MUC5B: variants seen among roughly 807,000 people sequenced by gnomAD.
MUC5B encodes mucin-5B.
Under a neutral mutation model 376.9 loss-of-function variants are expected in MUC5B, and 116 were observed. That is an observed-to-expected ratio of 0.31 (90% CI 0.26 to 0.36). The LOEUF (loss-of-function observed/expected upper bound fraction) is 0.36. Among genes scored for constraint, MUC5B ranks in the 10% least tolerant of loss-of-function variants. The pLI, the probability that MUC5B is intolerant of heterozygous loss-of-function variation, is 1.00. For missense variants in MUC5B, 7,165 were observed against 7,769.9 expected, an observed-to-expected ratio of 0.92 and a Z score of 2.93; for synonymous variants, 3,517 against 3,390.9, an observed-to-expected ratio of 1.04 and a Z score of -1.29.
chr11:1,258,303 C>T lies in MUC5B; in HGVS notation c.16556-27C>T, dbSNP rs55914033. 721 of 1,610,542 alleles carry T rather than the reference C, an allele frequency of 4.5e-4. 4 individuals carry two copies. The African/African-American group carries it at 8.1e-3, about 18-fold the overall frequency. On this transcript the variant is annotated intron_variant, in intron 42 of 48. Coordinates refer to ENST00000529681, the MANE Select transcript of MUC5B (RefSeq NM_002458.3). This position sits in a 1 kb window ranked among gnomAD's most constrained non-coding sequence, Gnocchi z 5.5. ...GGAGCACATGCTCCCCACCACTTGT[C>T]GAGGGCTTAGCTCCCTTTCCTTCCA...
chr11:1,242,462 A>C lies in MUC5B; in HGVS notation c.5582A>C (p.Asp1861Ala). The C allele has an allele frequency of 6.2e-7, 1 of 1,613,730 alleles. No individual in the cohort carries two copies. Among genetic ancestry groups the C allele is most frequent in the Non-Finnish European group, 8.5e-7 (1 of 1,179,792 alleles). Residue 1861 changes from aspartate to alanine, a missense_variant, in exon 31 of 49, where the codon GAC becomes GCC. By Grantham distance (126) the Asp-to-Ala change is moderately radical (BLOSUM62 -2). Around this residue, in one of 31 missense-constraint regions of MUC5B, gnomAD observed 897 missense variants for 779.6 expected, o/e 1.15. Transcript: ENST00000529681. ...ACGGGGCTGACCTGCAAGAACGAAG[A>C]CCAGACAGGCAGGTTCAACATGTGC... ...LETGLTCKNEDQTGRFNMCFN... is the reference protein window; with the variant it reads ...LETGLTCKNEAQTGRFNMCFN...
intron 2 of MUC5B, 101 bp from the exon 3 acceptor site, chr11:1,226,104 C>T (rs1861873370): frequency 2.4e-6 from 3 of 1,236,880 alleles, no homozygotes; most frequent in Non-Finnish European, 2.2e-6. Flanking sequence ...TTTGGGCTCC[C>T]CTTCAACTCT....
At chr11:1,236,063 C>A (rs544514235) in intron 23 of MUC5B, among the ~76,000 whole-genome samples, 1 of 152,134 alleles carries the variant, frequency 6.6e-6, no homozygotes, top group Non-Finnish European at 1.5e-5. Context: ...AGGACCGCAG[C>A]GGGTCAGGGG....
At chr11:1,232,313 C>T in intron 15 of MUC5B, 137 bp from the exon 16 acceptor site, 1 of 1,344,096 alleles carries the variant, frequency 7.4e-7, no homozygotes. Context: ...GCCAGGCGGC[C>T]AGAACCCCCC....
chr11:1,233,037 A>G lies in MUC5B; in HGVS notation c.2090A>G (p.Lys697Arg), dbSNP rs1400690609. The G allele has an allele frequency of 6.3e-7, 1 of 1,599,932 alleles. No individual in the cohort carries two copies. The highest frequency in any genetic ancestry group is 1.1e-5 in the South Asian group (1 of 89,702). Reference protein sequence around the residue: ...VCTKYMQNCPKSQRYAYVVDA... With the variant: ...VCTKYMQNCPRSQRYAYVVDA... Reference sequence around the variant, plus strand: ...GCCAAGTACATGCAGAACTGCCCCAAGTCCCAGCGCTACGCCTACGTGGTG... The same window carrying G: ...GCCAAGTACATGCAGAACTGCCCCAGGTCCCAGCGCTACGCCTACGTGGTG... Residue 697 changes from lysine to arginine, a missense_variant, in exon 18 of 49, where the codon AAG becomes AGG. Lys to Arg is a conservative substitution (Grantham distance 26). This residue lies in a region of MUC5B where 530 missense variants were observed against 604.0 expected (regional missense o/e 0.88). Transcript: ENST00000529681.
At position 1,227,014 on chromosome 11, in the gene MUC5B, C is replaced by A. The variant is rs751054361; in HGVS notation, c.462-17C>A. 6.3e-7 allele frequency: 1 copy of A among 1,598,476 alleles called. No homozygotes were observed. Among genetic ancestry groups the A allele is most frequent in the East Asian group, 2.2e-5 (1 of 44,458 alleles). On this transcript the variant is annotated splice_polypyrimidine_tract_variant and intron_variant, in intron 4 of 48. Coordinates refer to ENST00000529681, the MANE Select transcript of MUC5B (RefSeq NM_002458.3). ...CAGGAGAGCGGGGCCCAGGGAGAGA[C>A]CCCGCTGTCTGCGCAGGGAGGAGCT...
chr11:1,234,344 G>A lies in MUC5B; in HGVS notation c.2478+39G>A, dbSNP rs1050271152. Reference sequence around the variant, plus strand: ...TTCAGGGAGGGGTGGGCAGGGAAGGGGTCCCAGCTTTCCCAGCTCCCGAGC... The same window carrying A: ...TTCAGGGAGGGGTGGGCAGGGAAGGAGTCCCAGCTTTCCCAGCTCCCGAGC... On this transcript the variant is annotated intron_variant, in intron 20 of 48. Coordinates refer to ENST00000529681, the MANE Select transcript of MUC5B (RefSeq NM_002458.3). This position sits in a 1 kb window ranked among gnomAD's most constrained non-coding sequence, Gnocchi z 6.3. The A allele has an allele frequency of 2.0e-6, 3 of 1,538,326 alleles. No individual in the cohort carries two copies. Among genetic ancestry groups the A allele is most frequent in the Non-Finnish European group, 2.7e-6 (3 of 1,128,858 alleles).
rs1488487359 is a variant in MUC5B at position 1,243,675 on chromosome 11, C to A, written c.6795C>A (p.Pro2265=). 2 of 1,611,424 alleles carry A rather than the reference C, an allele frequency of 1.2e-6. No individual in the cohort carries two copies. Among genetic ancestry groups the A allele is most frequent in the Admixed American group, 1.7e-5 (1 of 59,968 alleles). The part of the protein sequence containing the change: ...PHPSSRTTES[P]PSPGTTTPGH... ...CTAGCAGCAGAACCACCGAGTCACCCCCTTCTCCAGGGACGACCACCCCGG... is the reference window on the plus strand; with the variant it reads ...CTAGCAGCAGAACCACCGAGTCACCACCTTCTCCAGGGACGACCACCCCGG... Residue 2265 remains proline (P), a synonymous_variant, in exon 31 of 49, where the codon CCC becomes CCA. Transcript: ENST00000529681.
Position 1,257,778 on chromosome 11 carries a change from G to T in MUC5B, c.16450+68G>T, listed in dbSNP as rs55678390. On this transcript the variant is annotated intron_variant, in intron 41 of 48. Coordinates refer to ENST00000529681, the MANE Select transcript of MUC5B (RefSeq NM_002458.3). This position sits in a 1 kb window ranked among gnomAD's most constrained non-coding sequence, Gnocchi z 8.9. ...GGGACAGAGCCGGTGCCCACCAGGG[G>T]CCTGTGGGTTGGGCACAGGAGAGCA... The T allele has an allele frequency of 5.4e-6, 8 of 1,480,932 alleles. No individual in the cohort carries two copies. The African/African-American group carries it at 1.1e-4, about 21-fold the overall frequency. 91.7% of individuals were successfully genotyped at this position (1,480,932 alleles called of 1,614,324 possible). A position where few individuals can be genotyped will look rare whatever the true frequency, so the allele number is the denominator to read the frequency against.
rs1862614012 is a variant in MUC5B at position 1,249,723 on chromosome 11, G to T, written c.12843G>T (p.Val4281=). The change falls in exon 31 of 49, where the codon GTG becomes GTT. Residue 4281 remains valine, a synonymous_variant. Transcript: ENST00000529681. ...CGGGAACAGCTCCCCCTCCCAAAGT[G>T]CTGACCAGCCCGGCCACCACACCCA... is the stretch of plus-strand genomic sequence containing the variant. ...STPGTAPPPK[V]LTSPATTPTA... 6.2e-7 allele frequency: 1 copy of T among 1,610,060 alleles called. No individual in the cohort carries two copies. Among genetic ancestry groups the T allele is most frequent in the Non-Finnish European group, 8.5e-7 (1 of 1,177,946 alleles).
rs1308083293 is a variant in MUC5B at position 1,261,789 on chromosome 11, G to A, written c.*181G>A. The A allele has an allele frequency of 6.9e-6, 5 of 725,188 alleles. No homozygotes were observed. The highest frequency in any genetic ancestry group is 6.0e-5 in the South Asian group (4 of 67,000). The allele number at this position is 725,188 out of a possible 1,614,324, so 44.9% of individuals were successfully genotyped here. ...GCCCCAGAAGGGTGAGGGGCCAGCA[G>A]GACCCCTTTCGGGAGGGCGCCACTC... On this transcript the variant is annotated 3_prime_UTR_variant, in exon 49 of 49. Transcript: ENST00000529681.
At position 1,234,217 on chromosome 11, in the gene MUC5B, C is replaced by T; in HGVS notation, c.2390C>T (p.Pro797Leu). ...SLQKSTGCAA[P>L]MVYLDCSNSS... Reference sequence around the variant, plus strand: ...GCTCTGTCCCCAGGGTGTGCAGCCCCCATGGTGTACCTGGACTGCAGCAAC... The same window carrying T: ...GCTCTGTCCCCAGGGTGTGCAGCCCTCATGGTGTACCTGGACTGCAGCAAC... Residue 797 changes from proline to leucine, a missense_variant, in exon 20 of 49, where the codon CCC becomes CTC. Physicochemically the swap from Pro to Leu is moderately conservative, Grantham distance 98 (BLOSUM62 -3). This residue lies in a region of MUC5B where 530 missense variants were observed against 604.0 expected (regional missense o/e 0.88). Transcript: ENST00000529681. This position sits in a 1 kb window ranked among gnomAD's most constrained non-coding sequence, Gnocchi z 6.3. The T allele has an allele frequency of 6.2e-7, 1 of 1,603,842 alleles. No individual in the cohort carries two copies. Among genetic ancestry groups the T allele is most frequent in the African/African-American group, 1.3e-5 (1 of 74,874 alleles).
At chr11:1,230,468 A>G in intron 11 of MUC5B, 22 bp from the exon 12 acceptor site, 1 of 1,572,104 alleles carries the variant, frequency 6.4e-7, no homozygotes, top group Non-Finnish European at 8.7e-7. Flanking sequence ...GGCCCAATGC[A>G]CGCGTGGGTC....
intron 38 of MUC5B, 74 bp from the exon 39 acceptor site, chr11:1,256,597 C>T (rs1355699515): frequency 2.6e-6 from 3 of 1,136,392 alleles, no homozygotes; most frequent in South Asian, 2.9e-5. Context: ...ACTGCCCATC[C>T]TGGGGACTCA....
chr11:1,240,843 C>A lies in MUC5B; in HGVS notation c.3971-8C>A. 1 of 1,601,156 alleles carries A rather than the reference C, an allele frequency of 6.2e-7. No individual in the cohort carries two copies. The highest frequency in any genetic ancestry group is 8.5e-7 in the Non-Finnish European group (1 of 1,174,262). On this transcript the variant is annotated splice_region_variant and splice_polypyrimidine_tract_variant and intron_variant, in intron 30 of 48. Coordinates refer to ENST00000529681, the MANE Select transcript of MUC5B (RefSeq NM_002458.3). The stretch of plus-strand genomic sequence containing the variant: ...TGAGCCAGGACCCCTTTCCCATGCC[C>A]CTTGCAGGCCCGGCCCTCCCGGTCT...
chr11:1,234,411 G>A lies in MUC5B; in HGVS notation c.2478+106G>A. On this transcript the variant is annotated intron_variant, in intron 20 of 48. Coordinates refer to ENST00000529681, the MANE Select transcript of MUC5B (RefSeq NM_002458.3). The surrounding 1 kb of genome is among the most constrained non-coding windows in gnomAD (Gnocchi z 6.3). ...CCTGGAGACACTTACCCACCTGGAA[G>A]CTCCGCCCTGGCCCATGCGTTGCCC... is the stretch of plus-strand genomic sequence containing the variant. 6.7e-7 allele frequency: 1 copy of A among 1,498,278 alleles called. No homozygotes were observed. The highest frequency in any genetic ancestry group is 9.0e-7 in the Non-Finnish European group (1 of 1,107,510). The allele number at this position is 1,498,278 out of a possible 1,614,324, so 92.8% of individuals were successfully genotyped here.
rs750159492 is a variant in MUC5B at position 1,245,345 on chromosome 11, C to A, written c.8465C>A (p.Pro2822His). The A allele has an allele frequency of 1.1e-5, 17 of 1,595,434 alleles. No homozygotes were observed. The highest frequency in any genetic ancestry group is 1.5e-5 in the Non-Finnish European group (17 of 1,171,142). Residue 2822 changes from proline to histidine, a missense_variant, in exon 31 of 49, where the codon CCC (proline) becomes CAC (histidine). Pro to His is a moderately conservative substitution (Grantham distance 77). Around this residue, in one of 31 missense-constraint regions of MUC5B, gnomAD observed 50 missense variants for 66.4 expected, o/e 0.75. Transcript: ENST00000529681. ...PHPSSRTTESPPSPGTTTPGH... is the reference protein window; with the variant it reads ...PHPSSRTTESHPSPGTTTPGH... The stretch of plus-strand genomic sequence containing the variant: ...CCTAGCAGCAGGACCACCGAGTCAC[C>A]CCCTTCTCCAGGGACGACCACCCCG...
At position 1,261,445 on chromosome 11, in the gene MUC5B, G is replaced by A. The variant is rs372911529; in HGVS notation, c.17126G>A (p.Arg5709Gln). ...CAGTGCACCTGCTGCCAGGAGAGGCGGGTCCACGAGGAGACGGTGCCCTTG... is the reference window on the plus strand; with the variant it reads ...CAGTGCACCTGCTGCCAGGAGAGGCAGGTCCACGAGGAGACGGTGCCCTTG... ...QHQCTCCQER[R>Q]VHEETVPLHC... Residue 5709 changes from arginine (R) to glutamine (Q), a missense_variant, in exon 49 of 49, where the codon CGG becomes CAG. Arg to Gln is a conservative substitution (Grantham distance 43). Transcript: ENST00000529681. 55 of 1,547,536 alleles carry A rather than the reference G, an allele frequency of 3.6e-5. No individual in the cohort carries two copies. In the African/African-American group the frequency reaches 5.5e-4, roughly 15 times the overall value.
chr11:1,256,859 G>A, intron 39 of MUC5B, 88 bp downstream of exon 39: 2 of 1,042,548 alleles, frequency 1.9e-6, no homozygotes, highest in Non-Finnish European at 2.7e-6. Context: ...ACCATGATGT[G>A]CTCTCCCCTC....
Sources: allele counts gnomAD v4.1 joint callset (sites outside exome capture counted in the v4.1 genomes callset), GRCh38; gene constraint gnomAD v4.1.1; regional missense constraint gnomAD v4.1.1; non-coding constraint Gnocchi (gnomAD v3.1); transcripts MANE v1.5; gene names NCBI Gene and HGNC (gene_info 2026-07-23, HGNC 2026-07-21).